Variants in KLRG1 observed in about 807,000 individuals in gnomAD.
KLRG1 encodes killer cell lectin-like receptor subfamily G member 1.
KLRG1 carries 16 observed loss-of-function variants against 21.8 expected under a neutral mutation model. That is an observed-to-expected ratio of 0.73 (90% CI 0.50 to 1.11). The LOEUF (loss-of-function observed/expected upper bound fraction) is 1.11, where lower values mean the gene tolerates loss of function less well. Ranked by LOEUF, KLRG1 falls within the 50% of genes most tolerant of loss-of-function variation. KLRG1 has a pLI of 0.00. For missense variants in KLRG1, 173 were observed against 218.3 expected, an observed-to-expected ratio of 0.79 and a Z score of 1.31; for synonymous variants, 69 against 75.9, an observed-to-expected ratio of 0.91 and a Z score of 0.47.
At chr12:9,200,588 G>T in the KLRG1 span, 1 of 731,040 alleles carries the variant, frequency 1.4e-6, no homozygotes, top group Non-Finnish European at 2.2e-6. Flanking sequence ...CTTTAAGATG[G>T]TAAGGTTTAA....
chr12:9,012,413 T>C (rs1947644566), downstream of KLRG1, among the ~76,000 whole-genome samples: 1 of 152,010 alleles, frequency 6.6e-6, no homozygotes, highest in African/African-American at 2.4e-5. Flanking sequence ...AAGGACCCAG[T>C]CCAGGCAGGA....
chr12:9,157,330 A>G, the KLRG1 span: 3 of 1,613,880 alleles, frequency 1.9e-6, no homozygotes, highest in Non-Finnish European at 2.5e-6. Context: ...CTCCAGGCAG[A>G]ACAGGGCATT....
chr12:9,185,588 C>T, the KLRG1 span, among the ~76,000 whole-genome samples: 1 of 151,896 alleles, frequency 6.6e-6, no homozygotes, highest in Non-Finnish European at 1.5e-5. Flanking sequence ...AAGAGAACCC[C>T]AAAATATACT....
chr12:9,099,421 T>C, the KLRG1 span: 1 of 1,579,118 alleles, frequency 6.3e-7, no homozygotes, highest in Non-Finnish European at 8.6e-7. Context: ...TTTTGCAGAA[T>C]CCCCAATCAC....
chr12:9,107,630 T>C, the KLRG1 span: 1 of 1,613,956 alleles, frequency 6.2e-7, no homozygotes, highest in South Asian at 1.1e-5. Context: ...AGGGACAGGC[T>C]TCCCATATGT....
the KLRG1 span, among the ~76,000 whole-genome samples, chr12:9,160,648 C>G: frequency 1.6e-4 from 25 of 152,334 alleles, no homozygotes; most frequent in African/African-American, 6.0e-4. Context: ...AGAATAGCAG[C>G]TATCGCCTGT....
the KLRG1 span, among the ~76,000 whole-genome samples, chr12:9,086,371 T>G: frequency 6.6e-6 from 1 of 152,084 alleles, no homozygotes; most frequent in Admixed American, 6.6e-5. Context: ...CTTAAAAAAC[T>G]AAACCAACCA....
chr12:8,989,049 A>G (rs1565544559), upstream of KLRG1, among the ~76,000 whole-genome samples: 1 of 152,252 alleles, frequency 6.6e-6, no homozygotes, highest in Non-Finnish European at 1.5e-5. Flanking sequence ...GATACTGTGA[A>G]GGGTAAAGAC....
At chr12:9,016,284 A>G in the KLRG1 span, among the ~76,000 whole-genome samples, 2 of 152,130 alleles carry the variant, frequency 1.3e-5, no homozygotes, top group African/African-American at 4.8e-5. Context: ...AAAAAGAGAG[A>G]CGATCCAAAT....
the KLRG1 span, among the ~76,000 whole-genome samples, chr12:9,037,839 A>G: frequency 6.6e-6 from 1 of 152,256 alleles, no homozygotes; most frequent in Non-Finnish European, 1.5e-5. Flanking sequence ...TGGCTACACC[A>G]TATAGGCCAG....
At chr12:9,201,309 A>C in the KLRG1 span, 328 of 1,522,288 alleles carry the variant, frequency 2.2e-4, no homozygotes, top group Non-Finnish European at 2.6e-4. Context: ...CTTATAAGAT[A>C]CTTTTTCTGA....
chr12:9,000,159 G>A lies in KLRG1; in HGVS notation c.357+4871G>A, dbSNP rs1236578058. Reference sequence around the variant, plus strand: ...TGCATCACAGAGTAAATTATGACTTGTTGAATTGAGTATATTGTTTATGAG... The same window carrying A: ...TGCATCACAGAGTAAATTATGACTTATTGAATTGAGTATATTGTTTATGAG... On this transcript the variant is annotated intron_variant, in intron 3 of 4. Coordinates refer to ENST00000356986, the MANE Select transcript of KLRG1 (RefSeq NM_005810.4). Among the ~76,000 whole-genome samples the A allele has an allele frequency of 2.6e-5, 4 of 152,166 alleles. No homozygotes were observed. The East Asian group carries it at 5.8e-4, about 22-fold the overall frequency.
At chr12:9,177,905 A>G in the KLRG1 span, among the ~76,000 whole-genome samples, 2 of 152,222 alleles carry the variant, frequency 1.3e-5, no homozygotes, top group Admixed American at 6.5e-5. Flanking sequence ...CTAGACTTCC[A>G]TAAACAGAGA....
At chr12:9,104,113 G>T in the KLRG1 span, 5 of 933,848 alleles carry the variant, frequency 5.4e-6, no homozygotes, top group Non-Finnish European at 6.2e-6. Context: ...ACCTTCAATC[G>T]GTTTCTAATT....
At chr12:8,980,103 G>T (rs1946730177) in intron 1 of KLRG1, among the ~76,000 whole-genome samples, 1 of 152,020 alleles carries the variant, frequency 6.6e-6, no homozygotes, top group Non-Finnish European at 1.5e-5. Context: ...GTTTCACCAT[G>T]TTAGCCAGGC....
the KLRG1 span, among the ~76,000 whole-genome samples, chr12:9,140,768 T>C: frequency 6.6e-6 from 1 of 152,164 alleles, no homozygotes; most frequent in Non-Finnish European, 1.5e-5. Flanking sequence ...TGACATTCTT[T>C]ACTTACCACA....
At chr12:9,087,887 T>C in the KLRG1 span, among the ~76,000 whole-genome samples, 1 of 152,118 alleles carries the variant, frequency 6.6e-6, no homozygotes, top group Non-Finnish European at 1.5e-5. Flanking sequence ...TAGCTGTACT[T>C]GCATATGTTC....
chr12:8,994,708 A>AT (rs1947076695), intron 2 of KLRG1, among the ~76,000 whole-genome samples: 2 of 152,230 alleles, frequency 1.3e-5, no homozygotes, highest in African/African-American at 4.8e-5. Context: ...ACATTATGCA[A>AT]TTATGCAATA....
the KLRG1 span, among the ~76,000 whole-genome samples, chr12:9,029,566 C>A: frequency 6.6e-6 from 1 of 152,158 alleles, no homozygotes; most frequent in Non-Finnish European, 1.5e-5. Flanking sequence ...ACTTACTCCT[C>A]CTCTCCAACT....
Sources: gnomAD v4.1 joint callset for allele counts (sites outside exome capture counted in the v4.1 genomes callset) on GRCh38, gnomAD v4.1.1 for gene constraint, MANE v1.5 for transcripts, NCBI Gene and HGNC (gene_info 2026-07-23, HGNC 2026-07-21) for gene names.